Variants in FKBP5 observed in about 807,000 individuals in gnomAD.
The protein encoded by FKBP5 is peptidyl-prolyl cis-trans isomerase FKBP5.
FKBP5 carries 23 observed loss-of-function variants against 50.5 expected under a neutral mutation model. The observed-to-expected ratio is 0.46, with a 90% CI of 0.33 to 0.65. The LOEUF (loss-of-function observed/expected upper bound fraction) is 0.65. Ranked by LOEUF, FKBP5 falls within the 30% of genes least tolerant of loss-of-function variation. The pLI is 0.02. For missense variants in FKBP5, 411 were observed against 553.1 expected, an observed-to-expected ratio of 0.74 and a Z score of 2.58; for synonymous variants, 176 against 190.6, an observed-to-expected ratio of 0.92 and a Z score of 0.63.
intron 1 of FKBP5, among the ~76,000 whole-genome samples, chr6:35,664,490 C>G (rs1765160824): frequency 6.6e-6 from 1 of 152,154 alleles, no homozygotes; most frequent in Non-Finnish European, 1.5e-5. Flanking sequence ...GTGGTATCTA[C>G]AGGAAAACAT....
At chr6:35,708,988 A>T (rs1766368745) in intron 2 of FKBP5, among the ~76,000 whole-genome samples, 1 of 152,186 alleles carries the variant, frequency 6.6e-6, no homozygotes, top group African/African-American at 2.4e-5. Context: ...TGATATTTTT[A>T]ATTTTCTTTC....
intron 2 of FKBP5, among the ~76,000 whole-genome samples, chr6:35,638,427 T>G (rs1197714276): frequency 2.6e-5 from 4 of 152,198 alleles, no homozygotes; most frequent in African/African-American, 9.7e-5. Flanking sequence ...CTTTATTTTA[T>G]TTTTTGAGAC....
At chr6:35,715,490 T>C (rs1458239427) in intron 2 of FKBP5, among the ~76,000 whole-genome samples, 1 of 152,186 alleles carries the variant, frequency 6.6e-6, no homozygotes, top group Admixed American at 6.5e-5. Flanking sequence ...TATTATAAAA[T>C]GTGTTCCAAT....
intron 2 of FKBP5, among the ~76,000 whole-genome samples, chr6:35,639,941 G>T (rs1764430698): frequency 6.6e-6 from 1 of 152,188 alleles, no homozygotes; most frequent in African/African-American, 2.4e-5. Context: ...AATGGTGTAG[G>T]AGAAATAACT....
intron 3 of FKBP5, among the ~76,000 whole-genome samples, chr6:35,625,853 C>A (rs972661013): frequency 6.6e-6 from 1 of 150,996 alleles, no homozygotes; most frequent in African/African-American, 2.4e-5. Context: ...TATCTCTGCT[C>A]ACCGCAAGCT....
chr6:35,625,708 C>G (rs1394606675), intron 3 of FKBP5, among the ~76,000 whole-genome samples: 1 of 148,724 alleles, frequency 6.7e-6, no homozygotes, highest in African/African-American at 2.5e-5. Flanking sequence ...TGCACTCCAG[C>G]CTGGGCGACA....
At chr6:35,625,980 C>T (rs1223494905) in intron 3 of FKBP5, among the ~76,000 whole-genome samples, 1 of 151,452 alleles carries the variant, frequency 6.6e-6, no homozygotes, top group African/African-American at 2.4e-5. Context: ...GGAGTTTCAT[C>T]GTGTTAGCCA....
intron 2 of FKBP5, among the ~76,000 whole-genome samples, chr6:35,702,297 A>AAC (rs1218395936): frequency 1.3e-5 from 2 of 152,034 alleles, no homozygotes; most frequent in Non-Finnish European, 2.9e-5. Flanking sequence ...TAATCTCTAC[A>AAC]ACAAACCCTT....
intron 1 of FKBP5, among the ~76,000 whole-genome samples, chr6:35,670,213 GTTAA>G (rs1765345345): frequency 6.6e-6 from 1 of 152,142 alleles, no homozygotes; most frequent in Admixed American, 6.5e-5. Flanking sequence ...CTGTTTTAGA[GTTAA>G]TTATTTCACA....
chr6:35,580,705 A>AT lies in FKBP5; in HGVS notation c.841-485dup, dbSNP rs557262245. 3.6e-3 allele frequency: 923 copies of AT among 255,504 alleles called. 7 individuals are homozygous for AT. In the South Asian group the frequency reaches 0.038, roughly 10 times the overall value. 15.8% of individuals were successfully genotyped at this position (255,504 alleles called of 1,614,324 possible). On this transcript the variant is annotated intron_variant, in intron 8 of 10. Coordinates refer to ENST00000357266, the MANE Select transcript of FKBP5 (RefSeq NM_004117.4). ...CAGGTGGCCGCCACCAAGCCCAGCT[A>AT]TTTTTTTTTGTATTTTTAGTAGAGA... is the stretch of plus-strand genomic sequence containing the variant.
intron 1 of FKBP5, among the ~76,000 whole-genome samples, chr6:35,677,152 C>A (rs1765546119): frequency 6.6e-6 from 1 of 152,236 alleles, no homozygotes; most frequent in East Asian, 1.9e-4. Flanking sequence ...CGGCTCACTG[C>A]AAGCTCCGCC....
intron 6 of FKBP5, among the ~76,000 whole-genome samples, chr6:35,593,058 C>T (rs113932338): frequency 8.3e-4 from 126 of 152,318 alleles, no homozygotes; most frequent in African/African-American, 2.9e-3. Context: ...AGTCAAGATA[C>T]GTGTGGCGCA....
At chr6:35,637,982 T>A (rs1403209812) in intron 2 of FKBP5, among the ~76,000 whole-genome samples, 1 of 152,218 alleles carries the variant, frequency 6.6e-6, no homozygotes, top group Admixed American at 6.5e-5. Context: ...CATTTCCTAT[T>A]ATTTGAAACA....
intron 3 of FKBP5, among the ~76,000 whole-genome samples, chr6:35,625,915 G>A (rs1763983583): frequency 6.6e-6 from 1 of 151,550 alleles, no homozygotes; most frequent in African/African-American, 2.4e-5. Flanking sequence ...GAGTAGCTGG[G>A]ACTACAGGCG....
intron 1 of FKBP5, among the ~76,000 whole-genome samples, chr6:35,680,384 C>A (rs530740635): frequency 6.6e-6 from 1 of 152,142 alleles, no homozygotes; most frequent in Non-Finnish European, 1.5e-5. Context: ...GAGCTATGAT[C>A]GCACTACTGC....
intron 1 of FKBP5, among the ~76,000 whole-genome samples, chr6:35,678,900 A>G (rs1765594090): frequency 6.6e-6 from 1 of 152,156 alleles, no homozygotes; most frequent in Non-Finnish European, 1.5e-5. Flanking sequence ...TGAGCAACAT[A>G]GTGAGACTGT....
rs1264159353 is a variant in FKBP5, at chr6:35,661,252, G to A, written c.-19-18409C>T. On this transcript the variant is annotated intron_variant, in intron 1 of 10. Coordinates refer to ENST00000357266, the MANE Select transcript of FKBP5 (RefSeq NM_004117.4). ...GATCCTCTCATCTCAGCCTCCCAAT[G>A]TACTGGGATTACAGGCATGAGCCAC... Among the ~76,000 whole-genome samples the A allele has an allele frequency of 1.4e-4, 12 of 82,920 alleles. 5 individuals carry two copies. Among genetic ancestry groups the A allele is most frequent in the African/African-American group, 3.8e-4 (10 of 26,658 alleles). 54.4% of individuals were successfully genotyped at this position (82,920 alleles called of 152,430 possible). A position where few individuals can be genotyped will look rare whatever the true frequency, so the allele number is the denominator to read the frequency against.
upstream of FKBP5, among the ~76,000 whole-genome samples, chr6:35,690,330 CG>C (rs1269045131): frequency 2.0e-5 from 3 of 151,818 alleles, no homozygotes; most frequent in Admixed American, 6.6e-5. Context: ...AAAAATTAGC[CG>C]GGCATGGTGG....
intron 1 of FKBP5, among the ~76,000 whole-genome samples, chr6:35,663,346 CCTGA>C (rs554316251): frequency 8.7e-4 from 133 of 152,286 alleles, no homozygotes; most frequent in South Asian, 6.2e-4. Flanking sequence ...CAGGCAGAGG[CCTGA>C]CTGTGAAGGA....
Sources: allele counts gnomAD v4.1 joint callset (sites outside exome capture counted in the v4.1 genomes callset), GRCh38; gene constraint gnomAD v4.1.1; transcripts MANE v1.5; gene names NCBI Gene and HGNC (gene_info 2026-07-23, HGNC 2026-07-21).